Variants in AZIN2 observed in about 807,000 individuals in gnomAD.
AZIN2 encodes the protein antizyme inhibitor 2.
In AZIN2, 28 loss-of-function variants were observed where a neutral mutation model predicts 47.8. That is an observed-to-expected ratio of 0.59 (90% CI 0.43 to 0.80). The LOEUF (loss-of-function observed/expected upper bound fraction) is 0.80. Among genes scored for constraint, AZIN2 ranks in the 30% least tolerant of loss-of-function variants. The pLI is 0.00. For synonymous variants in AZIN2, 221 were observed against 239.4 expected (o/e 0.92, Z 0.71); for missense variants, 535 against 582.5 (o/e 0.92, Z 0.84).
chr1:33,081,215 G>A lies in AZIN2; in HGVS notation c.-485G>A, dbSNP rs77005448. On this transcript the variant is annotated 5_prime_UTR_variant, in exon 1 of 12. Transcript: ENST00000294517. This position sits in a 1 kb window ranked among gnomAD's most constrained non-coding sequence, Gnocchi z 4.2. ...GGCCGCGGGACCCGAGCCCGGGGAAGCGAGAGAGCGGAGGCGCCGAGGATC... is the reference window on the plus strand; with the variant it reads ...GGCCGCGGGACCCGAGCCCGGGGAAACGAGAGAGCGGAGGCGCCGAGGATC... 0.03 allele frequency: 4,582 copies of A among 153,802 alleles called. 214 individuals carry two copies. The highest frequency in any genetic ancestry group is 0.092 in the East Asian group (478 of 5,206). 9.5% of individuals were successfully genotyped at this position (153,802 alleles called of 1,614,324 possible).
the AZIN2 span, among the ~76,000 whole-genome samples, chr1:33,157,867 C>T: frequency 6.6e-6 from 1 of 152,098 alleles, no homozygotes; most frequent in Admixed American, 6.5e-5. Flanking sequence ...AGCAATTCTC[C>T]TGCCTCAGCC....
At chr1:33,147,602 C>T in the AZIN2 span, 122 of 1,614,130 alleles carry the variant, frequency 7.6e-5, no homozygotes, top group Non-Finnish European at 9.2e-5. This position sits in a 1 kb window ranked among gnomAD's most constrained non-coding sequence, Gnocchi z 8.1. Flanking sequence ...ACCTCCACAT[C>T]GAAGCGCTTT....
intron 10 of AZIN2, among the ~76,000 whole-genome samples, chr1:33,104,713 T>A (rs1235837295): frequency 6.6e-6 from 1 of 152,344 alleles, no homozygotes; most frequent in African/African-American, 2.4e-5. Flanking sequence ...TGTTTTATTT[T>A]ATTTAACACA....
chr1:33,096,971 G>A (rs1570027267), intron 9 of AZIN2, 102 bp downstream of exon 9: 3 of 1,392,966 alleles, frequency 2.2e-6, no homozygotes, highest in East Asian at 4.6e-5. Flanking sequence ...GAGGATGGGG[G>A]AATCTGGAGA....
the AZIN2 span, among the ~76,000 whole-genome samples, chr1:33,150,159 G>T: frequency 6.6e-6 from 1 of 152,244 alleles, no homozygotes; most frequent in Admixed American, 6.5e-5. Flanking sequence ...CCATTTCCAG[G>T]CAACAGCAAG....
chr1:33,166,566 C>T, the AZIN2 span, among the ~76,000 whole-genome samples: 1 of 152,126 alleles, frequency 6.6e-6, no homozygotes, highest in Non-Finnish European at 1.5e-5. Context: ...TTATTATCTC[C>T]ATCTTCTGAT....
chr1:33,158,415 G>T, the AZIN2 span: 1 of 1,564,798 alleles, frequency 6.4e-7, no homozygotes, highest in Non-Finnish European at 8.8e-7. Context: ...CTGGATTCCT[G>T]CCCCAATGCC....
intron 5 of AZIN2, among the ~76,000 whole-genome samples, chr1:33,088,057 T>A (rs537573123): frequency 6.6e-6 from 1 of 152,212 alleles, no homozygotes; most frequent in African/African-American, 2.4e-5. Flanking sequence ...TCTGAATTCC[T>A]AGGCCTCCCT....
In AZIN2 at chr1:33,096,691, A is replaced by G. The variant is rs1298634372; in HGVS notation, c.754-16A>G. 1 of 1,613,806 alleles carries G rather than the reference A, an allele frequency of 6.2e-7. No homozygotes were observed. Among genetic ancestry groups the G allele is most frequent in the South Asian group, 1.1e-5 (1 of 91,072 alleles). On this transcript the variant is annotated splice_polypyrimidine_tract_variant and intron_variant, in intron 8 of 11. Transcript: ENST00000294517. ...ATTTCAAACACATAATTGTCTCCCC[A>G]TTCTCCTCCTACCAGATTGCTTCCG...
intron 10 of AZIN2, among the ~76,000 whole-genome samples, chr1:33,102,273 G>A (rs777965811): frequency 1.3e-5 from 2 of 152,138 alleles, no homozygotes; most frequent in Non-Finnish European, 2.9e-5. Context: ...ATGTCTCTTT[G>A]TATATTTACT....
intron 9 of AZIN2, chr1:33,097,092 A>G (rs1394262475): frequency 1.7e-6 from 1 of 576,742 alleles, no homozygotes; most frequent in African/African-American, 1.9e-5. Context: ...GATTGAGAGC[A>G]AAACAACCTT....
intron 10 of AZIN2, among the ~76,000 whole-genome samples, chr1:33,106,462 G>A (rs1279662409): frequency 6.6e-6 from 1 of 151,932 alleles, no homozygotes; most frequent in Non-Finnish European, 1.5e-5. Context: ...TACACCATAA[G>A]AAAAGAAAAT....
At chr1:33,160,694 C>T in the AZIN2 span, among the ~76,000 whole-genome samples, 1 of 152,262 alleles carries the variant, frequency 6.6e-6, no homozygotes, top group Non-Finnish European at 1.5e-5. Flanking sequence ...CGTGAGCCAT[C>T]GTGCCCGGCT....
At chr1:33,104,049 A>G (rs1203290794) in intron 10 of AZIN2, among the ~76,000 whole-genome samples, 1 of 151,836 alleles carries the variant, frequency 6.6e-6, no homozygotes, top group Non-Finnish European at 1.5e-5. Flanking sequence ...TGCCTGGCTA[A>G]TTTCTGTATT....
the AZIN2 span, among the ~76,000 whole-genome samples, chr1:33,138,681 A>C: frequency 6.6e-6 from 1 of 152,116 alleles, no homozygotes; most frequent in Non-Finnish European, 1.5e-5. Context: ...TTATCCTCAA[A>C]ATGCTAGCAG....
intron 10 of AZIN2, among the ~76,000 whole-genome samples, chr1:33,114,652 C>CTTTTTTT (rs35317929): frequency 1.3e-5 from 1 of 79,882 alleles, no homozygotes; most frequent in African/African-American, 5.8e-5. Flanking sequence ...CGCGACCCGC[C>CTTTTTTT]TTTTTTTTTT....
In AZIN2 at chr1:33,118,087, C is replaced by T. The variant is rs1362978135; in HGVS notation, c.1215C>T (p.His405=). The change falls in exon 11 of 12, where the codon CAC becomes CAT. Residue 405 remains histidine (H), a synonymous_variant. Coordinates refer to ENST00000294517, the MANE Select transcript of AZIN2 (RefSeq NM_052998.4). ...CCTTTTGGGGGACCCAGGCCTGCCA[C>T]ATCACCTATGCCATGTCCCGGGTGG... is the stretch of plus-strand genomic sequence containing the variant. ...GSPFWGTQAC[H]ITYAMSRVAW... 9 of 1,519,392 alleles carry T rather than the reference C, an allele frequency of 5.9e-6. No homozygotes were observed. Among genetic ancestry groups the T allele is most frequent in the East Asian group, 2.3e-5 (1 of 43,344 alleles). 94.1% of individuals were successfully genotyped at this position (1,519,392 alleles called of 1,614,324 possible).
intron 10 of AZIN2, among the ~76,000 whole-genome samples, chr1:33,103,777 A>G (rs959794296): frequency 6.6e-6 from 1 of 152,156 alleles, no homozygotes; most frequent in African/African-American, 2.4e-5. Flanking sequence ...TGAATCAATC[A>G]TTCAATAAAC....
intron 10 of AZIN2, among the ~76,000 whole-genome samples, chr1:33,107,630 A>C (rs1644079853): frequency 6.6e-6 from 1 of 152,186 alleles, no homozygotes; most frequent in Non-Finnish European, 1.5e-5. Context: ...TTCACCAAAA[A>C]ACTATTAGAC....
Sources: allele counts gnomAD v4.1 joint callset (sites outside exome capture counted in the v4.1 genomes callset), GRCh38; gene constraint gnomAD v4.1.1; non-coding constraint Gnocchi (gnomAD v3.1); transcripts MANE v1.5; gene names NCBI Gene and HGNC (gene_info 2026-07-23, HGNC 2026-07-21).